Variants in KIF23 observed in about 807,000 individuals in gnomAD.
KIF23 encodes the protein kinesin-like protein KIF23.
A neutral mutation model predicts 137.5 loss-of-function variants in KIF23; 30 were observed. The ratio of observed to expected loss-of-function variants is 0.22; its 90% CI spans 0.16 to 0.30. The LOEUF (loss-of-function observed/expected upper bound fraction) is 0.30, where lower values mean the gene tolerates loss of function less well. Ranked by LOEUF, KIF23 falls within the 10% of genes least tolerant of loss-of-function variation. The probability of loss-of-function intolerance (pLI) is 1.00; values close to 1 mark genes in which losing one functional copy is unlikely to be tolerated. For missense variants in KIF23, 920 were observed against 1,194.3 expected (o/e 0.77, Z 3.38); for synonymous variants, 367 against 391.1 (o/e 0.94, Z 0.73).
At position 69,421,741 on chromosome 15, in the gene KIF23, A is replaced by C. The variant is rs1052766722; in HGVS notation, c.305A>C (p.His102Pro). The stretch of plus-strand genomic sequence containing the variant: ...AATCCCTTGGTCAATGACCTCATTC[A>C]TGGCAAAAATGGTATGATATGACTC... Reference protein sequence around the residue: ...VANPLVNDLIHGKNGLLFTYG... With the variant: ...VANPLVNDLIPGKNGLLFTYG... The change falls in exon 4 of 24, where the codon CAT becomes CCT. Residue 102 changes from histidine to proline, a missense_variant. Around this residue, in one of 4 missense-constraint regions of KIF23, gnomAD observed 124 missense variants for 122.0 expected, o/e 1.02. Transcript: ENST00000679126. 4.4e-6 allele frequency: 7 copies of C among 1,607,374 alleles called. No individual in the cohort carries two copies. Among genetic ancestry groups the C allele is most frequent in the Non-Finnish European group, 6.0e-6 (7 of 1,174,074 alleles).
chr15:69,429,069 G>T, intron 10 of KIF23, 42 bp from the exon 11 acceptor site: 2 of 1,334,870 alleles, frequency 1.5e-6, no homozygotes, highest in Non-Finnish European at 2.1e-6. Context: ...TTATAAACCA[G>T]TTATAACCCA....
At chr15:69,414,596 C>G in intron 1 of KIF23, 120 bp downstream of exon 1, 1 of 1,143,142 alleles carries the variant, frequency 8.7e-7, no homozygotes. Context: ...AGCATCCCGC[C>G]CGGTGCTGCT....
intron 11 of KIF23, chr15:69,435,177 G>T (rs533597637): frequency 2.1e-6 from 1 of 474,486 alleles, no homozygotes; most frequent in East Asian, 3.3e-5. Flanking sequence ...CTCTATATAA[G>T]ATATTCCTTC....
intron 10 of KIF23, among the ~76,000 whole-genome samples, chr15:69,427,152 AT>A (rs1341898420): frequency 1.3e-5 from 2 of 152,222 alleles, no homozygotes; most frequent in Non-Finnish European, 2.9e-5. Flanking sequence ...AAATAAAAAA[AT>A]AAAAAAATAG....
intron 11 of KIF23, among the ~76,000 whole-genome samples, chr15:69,430,015 A>AAAC (rs59172618): frequency 0.58 from 88,075 of 151,014 alleles, 29,761 homozygotes; most frequent in South Asian, 0.77. Context: ...CCTGTCTCAA[A>AAAC]AACAACAACA....
chr15:69,446,638 A>G (rs1234732016), intron 22 of KIF23: 3 of 618,840 alleles, frequency 4.8e-6, no homozygotes, highest in South Asian at 3.9e-5. Context: ...TCTCTTTGCA[A>G]ACTTATCTAA....
intron 22 of KIF23, 120 bp downstream of exon 22, chr15:69,446,484 T>A: frequency 1.3e-6 from 1 of 748,154 alleles, no homozygotes; most frequent in Non-Finnish European, 2.3e-6. Flanking sequence ...ACATTGCCAG[T>A]GCACCATGTA....
intron 21 of KIF23, 83 bp downstream of exon 21, chr15:69,446,174 A>G: frequency 7.0e-7 from 1 of 1,435,968 alleles, no homozygotes; most frequent in South Asian, 1.1e-5. Context: ...AGCCTGTGAA[A>G]TGTATCATTA....
Position 69,417,441 on chromosome 15 carries a change from T to C in KIF23, c.140T>C (p.Ile47Thr). The change falls in exon 3 of 24, where the codon ATC becomes ACC. Residue 47 changes from isoleucine to threonine, a missense_variant. Physicochemically the swap from Ile to Thr is moderately conservative, Grantham distance 89. Transcript: ENST00000679126. ...GATCAAGAGTGTTGCATAGAAGTGA[T>C]CAATAATACAACTGTTCAGCTTCAT... ...FPDQECCIEV[I>T]NNTTVQLHTP... 1 of 1,613,874 alleles carries C rather than the reference T, an allele frequency of 6.2e-7. No homozygotes were observed. The highest frequency in any genetic ancestry group is 1.1e-5 in the South Asian group (1 of 91,028).
In KIF23 at chr15:69,439,921, A is replaced by G. The variant is rs1463712164; in HGVS notation, c.1773A>G (p.Lys591=). The part of the protein sequence containing the change: ...TLEYKIEILE[K]TTTIYEEDKR... ...CTTCCTAGATTGAGATTTTAGAGAA[A>G]ACAACTACTATCTATGAGGAAGATA... is the stretch of plus-strand genomic sequence containing the variant. Residue 591 remains lysine, a synonymous_variant, in exon 17 of 24, where the codon AAA becomes AAG. Transcript: ENST00000679126. 1 of 1,612,152 alleles carries G rather than the reference A, an allele frequency of 6.2e-7. No individual in the cohort carries two copies. Among genetic ancestry groups the G allele is most frequent in the Admixed American group, 1.7e-5 (1 of 59,598 alleles).
chr15:69,421,227 A>C (rs2057045805), intron 3 of KIF23, among the ~76,000 whole-genome samples: 1 of 152,038 alleles, frequency 6.6e-6, no homozygotes, highest in African/African-American at 2.4e-5. Flanking sequence ...GTCTCTACTA[A>C]AAATATAAAA....
At chr15:69,445,076 A>G (rs1555430587) in intron 20 of KIF23, 35 bp downstream of exon 20, 2 of 1,569,332 alleles carry the variant, frequency 1.3e-6, no homozygotes, top group Admixed American at 3.6e-5. Context: ...AAAAAAATAT[A>G]TTTAAAAATT....
At chr15:69,421,336 C>T (rs1282340743) in intron 3 of KIF23, among the ~76,000 whole-genome samples, 2 of 151,924 alleles carry the variant, frequency 1.3e-5, no homozygotes, top group East Asian at 1.9e-4. Context: ...TGCAGTGAGC[C>T]GAGATTGTGT....
intron 16 of KIF23, among the ~76,000 whole-genome samples, chr15:69,439,120 A>G (rs2057553202): frequency 2.0e-5 from 3 of 151,992 alleles, no homozygotes; most frequent in East Asian, 1.9e-4. Flanking sequence ...AAAGTTCTCA[A>G]TTGGTTGTTT....
At chr15:69,423,696 A>G (rs1311962807) in intron 7 of KIF23, among the ~76,000 whole-genome samples, 4 of 152,158 alleles carry the variant, frequency 2.6e-5, no homozygotes, top group Non-Finnish European at 2.9e-5. Flanking sequence ...CTCTTTAACC[A>G]CCCGTGTCTT....
chr15:69,433,327 A>T (rs1299130070), intron 11 of KIF23, among the ~76,000 whole-genome samples: 1 of 152,198 alleles, frequency 6.6e-6, no homozygotes, highest in South Asian at 2.1e-4. Context: ...ACTCATTCTT[A>T]TGGGGTCTAA....
chr15:69,447,663 C>A, intron 23 of KIF23, 129 bp from the exon 24 acceptor site: 1 of 766,498 alleles, frequency 1.3e-6, no homozygotes, highest in Non-Finnish European at 2.1e-6. Context: ...AAGTTGTTTG[C>A]TTTCTCAGAG....
intron 10 of KIF23, 76 bp downstream of exon 10, chr15:69,426,533 C>T (rs959026456): frequency 2.0e-6 from 3 of 1,517,278 alleles, no homozygotes; most frequent in East Asian, 2.3e-5. Context: ...ATCCAGCCAA[C>T]ATGGCAAAAA....
chr15:69,416,147 G>A, intron 2 of KIF23, 84 bp downstream of exon 2: 1 of 838,446 alleles, frequency 1.2e-6, no homozygotes, highest in Non-Finnish European at 1.8e-6. Context: ...TGCTTGGAAG[G>A]GAAAGAAGAA....
Sources: gnomAD v4.1 joint callset for allele counts (sites outside exome capture counted in the v4.1 genomes callset) on GRCh38, gnomAD v4.1.1 for gene constraint, gnomAD v4.1.1 regional missense constraint, MANE v1.5 for transcripts, NCBI Gene and HGNC (gene_info 2026-07-23, HGNC 2026-07-21) for gene names.